CNTNAP5: variants seen among roughly 807,000 people sequenced by gnomAD.
CNTNAP5 encodes contactin-associated protein-like 5.
CNTNAP5 carries 72 observed loss-of-function variants against 150.2 expected under a neutral mutation model. The ratio of observed to expected loss-of-function variants is 0.48; its 90% CI spans 0.40 to 0.58. The LOEUF (loss-of-function observed/expected upper bound fraction) is 0.58. Among genes scored for constraint, CNTNAP5 ranks in the 20% least tolerant of loss-of-function variants. CNTNAP5 has a pLI of 0.00. For synonymous variants in CNTNAP5, 672 were observed against 619.8 expected (o/e 1.08, Z -1.25); for missense variants, 1,636 against 1,626.2 (o/e 1.01, Z -0.10).
intron 3 of CNTNAP5, among the ~76,000 whole-genome samples, chr2:124,325,481 A>G (rs1366550484): frequency 6.6e-6 from 1 of 152,230 alleles, no homozygotes; most frequent in Non-Finnish European, 1.5e-5. Flanking sequence ...TAAAAGCTTT[A>G]TCTCATCAAT....
intron 1 of CNTNAP5, among the ~76,000 whole-genome samples, chr2:124,039,748 G>C (rs1055492397): frequency 2.0e-5 from 3 of 152,030 alleles, no homozygotes; most frequent in Non-Finnish European, 2.9e-5. Context: ...AAATGTCCCT[G>C]CTTTGTATGG....
chr2:124,873,733 A>C (rs1443780387), intron 21 of CNTNAP5, among the ~76,000 whole-genome samples: 1 of 152,112 alleles, frequency 6.6e-6, no homozygotes, highest in African/African-American at 2.4e-5. Flanking sequence ...TTAATGATAA[A>C]TGCAACTGAA....
chr2:124,117,120 AG>A (rs1683446551), intron 1 of CNTNAP5, among the ~76,000 whole-genome samples: 1 of 152,174 alleles, frequency 6.6e-6, no homozygotes. Context: ...CTTCAGCTTA[AG>A]TTTCCCTTAT....
At chr2:124,093,700 C>CA (rs1180949866) in intron 1 of CNTNAP5, among the ~76,000 whole-genome samples, 5 of 152,296 alleles carry the variant, frequency 3.3e-5, no homozygotes, top group African/African-American at 1.2e-4. Context: ...CTTATTTGTT[C>CA]ACTCTCTCTA....
chr2:124,537,021 GGT>G (rs1041910395), intron 10 of CNTNAP5, among the ~76,000 whole-genome samples: 5 of 151,286 alleles, frequency 3.3e-5, no homozygotes, highest in South Asian at 4.2e-4. Context: ...GACAATGTGT[GGT>G]GTGTGTGTGT....
intron 1 of CNTNAP5, among the ~76,000 whole-genome samples, chr2:124,083,346 G>A (rs1331068654): frequency 6.6e-6 from 1 of 152,066 alleles, no homozygotes; most frequent in African/African-American, 2.4e-5. Context: ...GAGTAAGAGT[G>A]AGAGTCCATC....
intron 7 of CNTNAP5, among the ~76,000 whole-genome samples, chr2:124,485,501 T>C (rs1414240375): frequency 6.6e-6 from 1 of 150,780 alleles, no homozygotes; most frequent in East Asian, 2.0e-4. Context: ...TAGTCCCAGT[T>C]ACTCAGGAGG....
intron 13 of CNTNAP5, among the ~76,000 whole-genome samples, chr2:124,675,812 T>C (rs1308526370): frequency 6.6e-6 from 1 of 152,146 alleles, no homozygotes; most frequent in Non-Finnish European, 1.5e-5. Context: ...TTTGAACATA[T>C]TTATGACAGC....
intron 3 of CNTNAP5, among the ~76,000 whole-genome samples, chr2:124,249,711 C>A (rs1687125766): frequency 6.6e-6 from 1 of 152,138 alleles, no homozygotes. Flanking sequence ...TTCTCAGGAC[C>A]TCTGGAGGGC....
intron 13 of CNTNAP5, among the ~76,000 whole-genome samples, chr2:124,666,421 C>T (rs921047580): frequency 6.6e-6 from 1 of 152,002 alleles, no homozygotes; most frequent in African/African-American, 2.4e-5. Flanking sequence ...TCTGGCAGAG[C>T]CTTAGGTCTT....
In CNTNAP5 at chr2:124,504,299, T is replaced by G. The variant is rs1694346639; in HGVS notation, c.1070T>G (p.Val357Gly). 7 of 1,610,790 alleles carry G rather than the reference T, an allele frequency of 4.3e-6. No individual in the cohort carries two copies. The highest frequency in any genetic ancestry group is 5.9e-6 in the Non-Finnish European group (7 of 1,177,252). The change falls in exon 8 of 24, where the codon GTC (valine) becomes GGC (glycine). Residue 357 changes from valine to glycine, a missense_variant. Coordinates refer to ENST00000682447, the MANE Select transcript of CNTNAP5 (RefSeq NM_001367498.1). ...ACTTTTATTGTTTTCCAGGGCAATG[T>G]CACTTTTTCCTGCTCCGAACCACAG... Reference protein sequence around the residue: ...RKHQIYTVGNVTFSCSEPQIV... With the variant: ...RKHQIYTVGNGTFSCSEPQIV...
intron 13 of CNTNAP5, among the ~76,000 whole-genome samples, chr2:124,657,832 C>T (rs1044317271): frequency 1.3e-5 from 2 of 152,210 alleles, no homozygotes; most frequent in African/African-American, 4.8e-5. Flanking sequence ...CCTTGTTCCT[C>T]TCTCCATGCT....
At chr2:124,501,357 A>G (rs1256428923) in intron 7 of CNTNAP5, among the ~76,000 whole-genome samples, 2 of 152,214 alleles carry the variant, frequency 1.3e-5, no homozygotes, top group Non-Finnish European at 2.9e-5. Flanking sequence ...ATGGAATTAA[A>G]CATACAGAGG....
chr2:124,819,157 A>G (rs1473933843), intron 19 of CNTNAP5, among the ~76,000 whole-genome samples: 3 of 152,048 alleles, frequency 2.0e-5, no homozygotes, highest in African/African-American at 4.8e-5. Context: ...TCAGCTTGTT[A>G]TCTGGAATTA....
chr2:124,683,890 A>G (rs529771835), intron 13 of CNTNAP5, among the ~76,000 whole-genome samples: 14 of 152,276 alleles, frequency 9.2e-5, no homozygotes, highest in African/African-American at 3.4e-4. Context: ...CTGAGTAATC[A>G]TTTTATCTAC....
chr2:124,391,295 A>G (rs1333228754), intron 3 of CNTNAP5, among the ~76,000 whole-genome samples: 1 of 152,320 alleles, frequency 6.6e-6, no homozygotes, highest in East Asian at 1.9e-4. Context: ...TTAGATTTTA[A>G]TATATTAAAG....
At chr2:124,408,465 T>C (rs1429326165) in intron 3 of CNTNAP5, among the ~76,000 whole-genome samples, 1 of 152,146 alleles carries the variant, frequency 6.6e-6, no homozygotes, top group African/African-American at 2.4e-5. Context: ...CAGTAACCTC[T>C]GCAGACTTAA....
At chr2:124,820,735 T>C (rs1682469025) in intron 19 of CNTNAP5, among the ~76,000 whole-genome samples, 1 of 152,212 alleles carries the variant, frequency 6.6e-6, no homozygotes, top group Non-Finnish European at 1.5e-5. Flanking sequence ...TTTGGATCTG[T>C]ATACCATGCC....
At chr2:124,767,458 G>A (rs1681091915) in intron 16 of CNTNAP5, among the ~76,000 whole-genome samples, 1 of 152,204 alleles carries the variant, frequency 6.6e-6, no homozygotes. Flanking sequence ...TGTACAGGTA[G>A]AAATTGATAT....
Sources: allele counts gnomAD v4.1 joint callset (sites outside exome capture counted in the v4.1 genomes callset), GRCh38; gene constraint gnomAD v4.1.1; transcripts MANE v1.5; gene names NCBI Gene and HGNC (gene_info 2026-07-23, HGNC 2026-07-21).